The following ETV6 variants were observed in gnomAD, a reference collection of about 807,000 sequenced individuals.
ETV6 encodes ETS variant transcription factor 6.
ETV6 carries 16 observed loss-of-function variants against 51.1 expected under a neutral mutation model. That is an observed-to-expected ratio of 0.31 (90% CI 0.21 to 0.48). ETV6 has a LOEUF of 0.48. Ranked by LOEUF, ETV6 falls within the 20% of genes least tolerant of loss-of-function variation. The probability of loss-of-function intolerance (pLI) is 0.99; values close to 1 mark genes in which losing one functional copy is unlikely to be tolerated. For synonymous variants in ETV6, 240 were observed against 224.1 expected (o/e 1.07, Z -0.64); for missense variants, 458 against 594.8 (o/e 0.77, Z 2.39).
In ETV6 at chr12:11,891,610, A is replaced by G; in HGVS notation, c.*564A>G. On this transcript the variant is annotated 3_prime_UTR_variant, in exon 8 of 8. Transcript: ENST00000396373. ...TGTTGGGTCTTGGCTGAAAAAAAAAAATGCTTTTAAAAAAGATAAAATGAA... is the reference window on the plus strand; with the variant it reads ...TGTTGGGTCTTGGCTGAAAAAAAAAGATGCTTTTAAAAAAGATAAAATGAA... The G allele has an allele frequency of 1.9e-6, 1 of 529,464 alleles. No homozygotes were observed. The highest frequency in any genetic ancestry group is 2.3e-5 in the Admixed American group (1 of 43,626). 32.8% of individuals were successfully genotyped at this position (529,464 alleles called of 1,614,324 possible). A position where few individuals can be genotyped will look rare whatever the true frequency, so the allele number is the denominator to read the frequency against.
At chr12:11,872,907 G>A (rs1221130905) in intron 5 of ETV6, among the ~76,000 whole-genome samples, 1 of 152,068 alleles carries the variant, frequency 6.6e-6, no homozygotes, top group African/African-American at 2.4e-5. Context: ...GATGAGCCTG[G>A]GTGTCTATGG....
At chr12:11,671,707 G>A (rs558928148) in intron 1 of ETV6, among the ~76,000 whole-genome samples, 8 of 152,168 alleles carry the variant, frequency 5.3e-5, no homozygotes, top group Non-Finnish European at 1.0e-4. Context: ...GCTCGGTTAA[G>A]TGACCTACTG....
At chr12:11,830,347 G>C (rs1389218297) in intron 2 of ETV6, among the ~76,000 whole-genome samples, 1 of 152,238 alleles carries the variant, frequency 6.6e-6, no homozygotes, top group South Asian at 2.1e-4. Context: ...CCCAGGGGAA[G>C]TTCACTGGGT....
intron 1 of ETV6, among the ~76,000 whole-genome samples, chr12:11,696,710 G>A (rs1864885082): frequency 6.6e-6 from 1 of 152,140 alleles, no homozygotes; most frequent in Non-Finnish European, 1.5e-5. Context: ...CAGCTATTCA[G>A]GAGGCTGAGG....
chr12:11,863,895 GCC>G (rs1436371373), intron 4 of ETV6, among the ~76,000 whole-genome samples: 1 of 152,218 alleles, frequency 6.6e-6, no homozygotes, highest in Non-Finnish European at 1.5e-5. Flanking sequence ...AGGCCTCTCA[GCC>G]TTGACAGTGG....
intron 1 of ETV6, among the ~76,000 whole-genome samples, chr12:11,650,986 G>C (rs1863895844): frequency 6.6e-6 from 1 of 152,222 alleles, no homozygotes; most frequent in African/African-American, 2.4e-5. Flanking sequence ...CCCAGTAGTT[G>C]TGTGTATGCA....
intron 2 of ETV6, among the ~76,000 whole-genome samples, chr12:11,838,068 C>T (rs1251095920): frequency 6.6e-6 from 1 of 152,200 alleles, no homozygotes; most frequent in Non-Finnish European, 1.5e-5. Flanking sequence ...CATTGTTACA[C>T]ATTTTTGAAA....
chr12:11,770,151 A>C (rs1284918251), intron 2 of ETV6, among the ~76,000 whole-genome samples: 1 of 152,150 alleles, frequency 6.6e-6, no homozygotes, highest in Admixed American at 6.5e-5. Context: ...GGTAATCAGG[A>C]AAATGCAAGG....
chr12:11,882,373 C>A (rs555114593), intron 5 of ETV6, among the ~76,000 whole-genome samples: 9 of 152,156 alleles, frequency 5.9e-5, no homozygotes, highest in African/African-American at 2.2e-4. Flanking sequence ...TTCTCTGAGA[C>A]TAGAAATTGC....
chr12:11,739,071 A>T (rs980685698), intron 1 of ETV6, among the ~76,000 whole-genome samples: 4 of 152,086 alleles, frequency 2.6e-5, no homozygotes, highest in Admixed American at 6.6e-5. Flanking sequence ...GGTAATTTTT[A>T]AAAAAAGAGA....
At chr12:11,825,417 G>A (rs186834183) in intron 2 of ETV6, among the ~76,000 whole-genome samples, 3 of 152,188 alleles carry the variant, frequency 2.0e-5, no homozygotes, top group South Asian at 2.1e-4. Flanking sequence ...ATTTCACCAC[G>A]TGGATAATAG....
At chr12:11,724,452 G>A (rs1034827356) in intron 1 of ETV6, among the ~76,000 whole-genome samples, 5 of 152,218 alleles carry the variant, frequency 3.3e-5, no homozygotes, top group Non-Finnish European at 5.9e-5. Context: ...ATTTTCAAGG[G>A]TCTATTTCCT....
At position 11,892,210 on chromosome 12, in the gene ETV6, ATTTTTTTT is replaced by A; in HGVS notation, c.*1180_*1187del. ...GTGGTCAGTTTCATGCCCTCACCTGATTTTTTTTTTTTTTTTTTTTTTTCAATTCCTAA... is the reference window on the plus strand; with the variant it reads ...GTGGTCAGTTTCATGCCCTCACCTGATTTTTTTTTTTTTTTCAATTCCTAA... On this transcript the variant is annotated 3_prime_UTR_variant, in exon 8 of 8. Coordinates refer to ENST00000396373, the MANE Select transcript of ETV6 (RefSeq NM_001987.5). The A allele has an allele frequency of 2.0e-5, 3 of 152,830 alleles. No homozygotes were observed. Among genetic ancestry groups the A allele is most frequent in the Middle Eastern group, 1.9e-3 (1 of 540 alleles). The allele number at this position is 152,830 out of a possible 1,614,324, so 9.5% of individuals were successfully genotyped here.
intron 2 of ETV6, among the ~76,000 whole-genome samples, chr12:11,834,644 C>G (rs994124996): frequency 3.9e-5 from 6 of 152,126 alleles, no homozygotes; most frequent in Non-Finnish European, 7.3e-5. Flanking sequence ...ATAACTTTTC[C>G]AAGAATTAGA....
rs1022732822 is a variant in ETV6, at chr12:11,892,679, T to C, written c.*1633T>C. The C allele has an allele frequency of 1.4e-4, 33 of 232,996 alleles. No homozygotes were observed. The highest frequency in any genetic ancestry group is 4.2e-5 in the Non-Finnish European group (5 of 117,996). The allele number at this position is 232,996 out of a possible 1,614,324, so 14.4% of individuals were successfully genotyped here. On this transcript the variant is annotated 3_prime_UTR_variant, in exon 8 of 8. Coordinates refer to ENST00000396373, the MANE Select transcript of ETV6 (RefSeq NM_001987.5). ...AGTTGGGGGAGAAACTCACAGCTCC[T>C]CCGGGATACATATGTGCCCTCAGCA...
chr12:11,653,168 A>C (rs1424508611), intron 1 of ETV6, among the ~76,000 whole-genome samples: 1 of 152,230 alleles, frequency 6.6e-6, no homozygotes, highest in East Asian at 1.9e-4. Flanking sequence ...CTCTATAAAA[A>C]GTCAAATTGT....
At chr12:11,875,046 T>TA (rs140591631) in intron 5 of ETV6, among the ~76,000 whole-genome samples, 7 of 150,272 alleles carry the variant, frequency 4.7e-5, no homozygotes, top group East Asian at 2.0e-4. Flanking sequence ...AAAGTATAAT[T>TA]AAAAAAAAAA....
At position 11,759,917 on chromosome 12, in the gene ETV6, C is replaced by T. The variant is rs146749759; in HGVS notation, c.163+7338C>T. ...CCCATTTTGCTTCATGTGTGAGTTA[C>T]ACCACATTAGTAATTCAAACTTTTG... On this transcript the variant is annotated intron_variant, in intron 2 of 7. Coordinates refer to ENST00000396373, the MANE Select transcript of ETV6 (RefSeq NM_001987.5). Among the ~76,000 whole-genome samples, 13 of 152,338 alleles carry T rather than the reference C, an allele frequency of 8.5e-5. No homozygotes were observed. In the East Asian group the frequency reaches 2.5e-3, roughly 29 times the overall value.
chr12:11,690,636 C>G (rs550353603), intron 1 of ETV6, among the ~76,000 whole-genome samples: 1 of 152,074 alleles, frequency 6.6e-6, no homozygotes, highest in East Asian at 1.9e-4. Context: ...TGCGTGTAAT[C>G]CTAGCTCTTT....
Sources: gnomAD v4.1 joint callset for allele counts (sites outside exome capture counted in the v4.1 genomes callset) on GRCh38, gnomAD v4.1.1 for gene constraint, MANE v1.5 for transcripts, NCBI Gene and HGNC (gene_info 2026-07-23, HGNC 2026-07-21) for gene names.